The following NOS3 variants were observed in gnomAD, a reference collection of about 807,000 sequenced individuals.
The protein encoded by NOS3 is nitric oxide synthase 3, also known as NOS type III.
Under a neutral mutation model 144.9 loss-of-function variants are expected in NOS3, and 98 were observed. The ratio of observed to expected loss-of-function variants is 0.68; its 90% CI spans 0.57 to 0.80. The LOEUF is 0.80. Among genes scored for constraint, NOS3 ranks in the 30% least tolerant of loss-of-function variants. NOS3 has a pLI of 0.00. For missense variants in NOS3, 1,465 were observed against 1,656.4 expected (o/e 0.88, Z 2.01); for synonymous variants, 714 against 702.4 (o/e 1.02, Z -0.26).
intron 9 of NOS3, among the ~76,000 whole-genome samples, 177 bp from the exon 10 acceptor site, chr7:151,000,321 G>A (rs1188280077): frequency 1.3e-5 from 2 of 152,054 alleles, no homozygotes; most frequent in Admixed American, 1.3e-4. Flanking sequence ...GTCCCTCTCT[G>A]CTCTGAGGTG....
In NOS3 at chr7:150,999,013, C is replaced by T. The variant is rs921507371; in HGVS notation, c.884C>T (p.Ala295Val). Residue 295 changes from alanine to valine, a missense_variant, in exon 8 of 27, where the codon GCC (alanine) becomes GTC (valine). Ala to Val is a moderately conservative substitution (Grantham distance 64, BLOSUM62 0). Transcript: ENST00000297494. ...RFDVLPLLLQ[A>V]PDDPPELFLL... ...GACGTGCTGCCCCTGCTGCTGCAGGCCCCAGATGATCCCCCAGAACTCTTC... is the reference window on the plus strand; with the variant it reads ...GACGTGCTGCCCCTGCTGCTGCAGGTCCCAGATGATCCCCCAGAACTCTTC... 1 of 1,612,600 alleles carries T rather than the reference C, an allele frequency of 6.2e-7. No homozygotes were observed. Among genetic ancestry groups the T allele is most frequent in the Non-Finnish European group, 8.5e-7 (1 of 1,179,874 alleles).
chr7:151,008,734 A>G (rs1795243499), intron 17 of NOS3, 196 bp from the exon 18 acceptor site: 1 of 585,750 alleles, frequency 1.7e-6, no homozygotes, highest in African/African-American at 1.9e-5. Context: ...GTGCAGAGAA[A>G]GAGCCAGCCG....
Position 151,001,343 on chromosome 7 carries a change from T to C in NOS3, c.1346T>C (p.Val449Ala). The part of the protein sequence containing the change: ...GGCPADWAWI[V>A]PPISGSLTPV... ...TGCCCTGCAGACTGGGCCTGGATCG[T>C]GCCCCCCATCTCGGGCAGCCTCACT... is the stretch of plus-strand genomic sequence containing the variant. The change falls in exon 11 of 27, where the codon GTG (valine) becomes GCG (alanine). Residue 449 changes from valine to alanine, a missense_variant. By Grantham distance (64) the Val-to-Ala change is moderately conservative. Transcript: ENST00000297494. The C allele has an allele frequency of 6.2e-7, 1 of 1,613,522 alleles. No individual in the cohort carries two copies. Among genetic ancestry groups the C allele is most frequent in the Non-Finnish European group, 8.5e-7 (1 of 1,179,816 alleles).
At position 150,996,457 on chromosome 7, in the gene NOS3, A is replaced by T; in HGVS notation, c.324A>T (p.Lys108Asn). 1.3e-6 allele frequency: 2 copies of T among 1,578,574 alleles called. No homozygotes were observed. The highest frequency in any genetic ancestry group is 1.7e-6 in the Non-Finnish European group (2 of 1,164,186). Residue 108 changes from lysine (K) to asparagine (N), a missense_variant, in exon 4 of 27, where the codon AAA (lysine) becomes AAT (asparagine). By Grantham distance (94) the Lys-to-Asn change is moderately conservative. Coordinates refer to ENST00000297494, the MANE Select transcript of NOS3 (RefSeq NM_000603.5). The part of the protein sequence containing the change: ...RCLGSLVFPR[K>N]LQGRPSPGPP... ...TGGGCTCCCTGGTATTTCCACGGAA[A>T]CTACAGGGCCGGCCCTCCCCCGGCC...
intron 9 of NOS3, among the ~76,000 whole-genome samples, chr7:150,999,977 G>T (rs1186273021): frequency 6.8e-6 from 1 of 148,044 alleles, no homozygotes; most frequent in African/African-American, 2.5e-5. Flanking sequence ...TGTAGGGGTA[G>T]GCGAGTGTGG....
At position 151,010,904 on chromosome 7, in the gene NOS3, C is replaced by G; in HGVS notation, c.2902C>G (p.Leu968Val). 6.2e-7 allele frequency: 1 copy of G among 1,613,332 alleles called. No homozygotes were observed. Among genetic ancestry groups the G allele is most frequent in the East Asian group, 2.2e-5 (1 of 44,874 alleles). The change falls in exon 23 of 27, where the codon CTG (leucine) becomes GTG (valine). Residue 968 changes from leucine to valine, a missense_variant. Coordinates refer to ENST00000297494, the MANE Select transcript of NOS3 (RefSeq NM_000603.5). ...CCTCTCCTTCCCACCCCCAGATGGG[C>G]TGGGCCCCCTGCACTATGGAGTCTG... Reference protein sequence around the residue: ...AVLAYRTQDGLGPLHYGVCST... With the variant: ...AVLAYRTQDGVGPLHYGVCST...
At position 150,994,807 on chromosome 7, in the gene NOS3, G is replaced by T. The variant is rs576205749; in HGVS notation, c.159-396G>T. On this transcript the variant is annotated intron_variant, in intron 2 of 26. Transcript: ENST00000297494. ...GGGCTGCTGTCAGGAGGGGTTGTGA[G>T]TGCGGAGGGAAATCAGAGCTGAGGA... Among the ~76,000 whole-genome samples, 4 of 152,338 alleles carry T rather than the reference G, an allele frequency of 2.6e-5. No homozygotes were observed. The East Asian group carries it at 7.7e-4, about 29-fold the overall frequency.
chr7:150,994,505 G>A (rs1397338318), intron 2 of NOS3, among the ~76,000 whole-genome samples: 1 of 152,150 alleles, frequency 6.6e-6, no homozygotes, highest in Non-Finnish European at 1.5e-5. Flanking sequence ...CCCTGCTCCA[G>A]CCCCCTCTCC....
chr7:151,004,103 C>G (rs946230407), intron 14 of NOS3, among the ~76,000 whole-genome samples: 3 of 152,144 alleles, frequency 2.0e-5, no homozygotes, highest in Non-Finnish European at 4.4e-5. Context: ...TTGGGAGGCC[C>G]AGGTGGGTGG....
At chr7:150,995,647 CCT>C (rs201875909) in intron 3 of NOS3, among the ~76,000 whole-genome samples, 5 of 6,138 alleles carry the variant, frequency 8.1e-4, no homozygotes, top group Middle Eastern at 0.056. Context: ...CCCCTGCACC[CCT>C]CTTCCCTCTC....
chr7:151,004,358 A>T (rs1325251770), intron 14 of NOS3, among the ~76,000 whole-genome samples: 1 of 152,212 alleles, frequency 6.6e-6, no homozygotes, highest in Non-Finnish European at 1.5e-5. Context: ...AAATAAATAA[A>T]ATAAAACTGT....
Position 151,010,689 on chromosome 7 carries a change from A to G in NOS3, c.2778A>G (p.Pro926=), listed in dbSNP as rs1389600257. The G allele has an allele frequency of 6.2e-7, 1 of 1,610,204 alleles. No homozygotes were observed. Among genetic ancestry groups the G allele is most frequent in the Non-Finnish European group, 8.5e-7 (1 of 1,178,694 alleles). Reference sequence around the variant, plus strand: ...TCCCGTCGGTGGCGCTGCCTGCCCCACTGCTCCTCACCCAGCTGCCTCTGC... The same window carrying G: ...TCCCGTCGGTGGCGCTGCCTGCCCCGCTGCTCCTCACCCAGCTGCCTCTGC... ...EQFPSVALPA[P]LLLTQLPLLQ... Residue 926 remains proline, a synonymous_variant, in exon 22 of 27, where the codon CCA becomes CCG. Coordinates refer to ENST00000297494, the MANE Select transcript of NOS3 (RefSeq NM_000603.5).
Position 151,013,330 on chromosome 7 carries a change from T to C in NOS3, c.3206T>C (p.Val1069Ala), listed in dbSNP as rs751402594. Residue 1069 changes from valine to alanine, a missense_variant, in exon 25 of 27, where the codon GTG becomes GCG. By Grantham distance (64) the Val-to-Ala change is moderately conservative. Coordinates refer to ENST00000297494, the MANE Select transcript of NOS3 (RefSeq NM_000603.5). ...DEVQNAQQRGVFGRVLTAFSR... is the reference protein window; with the variant it reads ...DEVQNAQQRGAFGRVLTAFSR... Reference sequence around the variant, plus strand: ...GTGCAGAACGCCCAGCAGCGCGGGGTGTTTGGCCGAGTCCTCACCGCCTTC... The same window carrying C: ...GTGCAGAACGCCCAGCAGCGCGGGGCGTTTGGCCGAGTCCTCACCGCCTTC... The C allele has an allele frequency of 1.2e-6, 2 of 1,613,764 alleles. No individual in the cohort carries two copies. The highest frequency in any genetic ancestry group is 3.3e-5 in the Admixed American group (2 of 59,994).
At chr7:151,012,317 C>T (rs2117138020) in intron 23 of NOS3, 34 bp from the exon 24 acceptor site, 1 of 1,531,540 alleles carries the variant, frequency 6.5e-7, no homozygotes, top group Non-Finnish European at 8.8e-7. Context: ...GCAGGAAAGG[C>T]AAAGGGGACC....
Position 151,010,896 on chromosome 7 carries a change from C to T in NOS3, c.2897-3C>T. Reference sequence around the variant, plus strand: ...CTCACCGGCCTCTCCTTCCCACCCCCAGATGGGCTGGGCCCCCTGCACTAT... The same window carrying T: ...CTCACCGGCCTCTCCTTCCCACCCCTAGATGGGCTGGGCCCCCTGCACTAT... On this transcript the variant is annotated splice_polypyrimidine_tract_variant and splice_region_variant and intron_variant, in intron 22 of 26. Coordinates refer to ENST00000297494, the MANE Select transcript of NOS3 (RefSeq NM_000603.5). The T allele has an allele frequency of 1.2e-6, 2 of 1,612,782 alleles. No individual in the cohort carries two copies. The highest frequency in any genetic ancestry group is 1.7e-6 in the Non-Finnish European group (2 of 1,179,072).
At position 151,007,257 on chromosome 7, in the gene NOS3, G is replaced by A. The variant is rs1348815575; in HGVS notation, c.2093G>A (p.Trp698Ter). 3 of 1,602,150 alleles carry A rather than the reference G, an allele frequency of 1.9e-6. No homozygotes were observed. The South Asian group carries it at 3.3e-5, about 18-fold the overall frequency. ...GGCCAGGAGGAGGCCTTCCGAGGCT[G>A]GGCCCAGGCTGCCTTCCAGGTGAGC... ...LCGQEEAFRG[W>*]AQAAFQAACE... is the part of the protein sequence containing the mutation. Residue 698 changes from tryptophan to a stop codon, truncating the protein, a stop_gained, in exon 17 of 27, where the codon TGG becomes TAG. Coordinates refer to ENST00000297494, the MANE Select transcript of NOS3 (RefSeq NM_000603.5). LOFTEE classifies it high-confidence loss of function.
chr7:151,000,431 T>G (rs957783293), intron 9 of NOS3, 67 bp from the exon 10 acceptor site: 4 of 989,024 alleles, frequency 4.0e-6, no homozygotes, highest in Admixed American at 1.7e-5. Context: ...GAAACAGAGA[T>G]AGTCTCCCCA....
intron 12 of NOS3, 66 bp downstream of exon 12, chr7:151,001,683 C>G: frequency 6.4e-7 from 1 of 1,561,700 alleles, no homozygotes; most frequent in Non-Finnish European, 8.8e-7. Flanking sequence ...CCCACACACC[C>G]TGGGGGACCC....
chr7:151,000,997 C>T (rs1259765521), intron 10 of NOS3, among the ~76,000 whole-genome samples: 2 of 152,068 alleles, frequency 1.3e-5, no homozygotes, highest in African/African-American at 4.8e-5. Context: ...GGTTTGGGGA[C>T]CAGGCATGCA....
Sources: gnomAD v4.1 joint callset for allele counts (sites outside exome capture counted in the v4.1 genomes callset) on GRCh38, gnomAD v4.1.1 for gene constraint, MANE v1.5 for transcripts, NCBI Gene and HGNC (gene_info 2026-07-23, HGNC 2026-07-21) for gene names.